VTI1A: variants seen among roughly 807,000 people sequenced by gnomAD.
VTI1A encodes vesicle transport through interaction with t-SNAREs homolog 1A.
In VTI1A, 22 loss-of-function variants were observed where a neutral mutation model predicts 34.9. That is an observed-to-expected ratio of 0.63 (90% CI 0.45 to 0.90). VTI1A has a LOEUF of 0.90. Ranked by LOEUF, VTI1A falls within the 40% of genes least tolerant of loss-of-function variation. The pLI is 0.00. For synonymous variants in VTI1A, 87 were observed against 97.3 expected (o/e 0.89, Z 0.62); for missense variants, 268 against 275.6 (o/e 0.97, Z 0.20).
At chr10:112,785,325 C>T (rs1488786090) in intron 7 of VTI1A, among the ~76,000 whole-genome samples, 1 of 152,202 alleles carries the variant, frequency 6.6e-6, no homozygotes, top group South Asian at 2.1e-4. Context: ...AGAGAAGCCC[C>T]TCCCCAACAA....
intron 3 of VTI1A, among the ~76,000 whole-genome samples, chr10:112,486,768 CA>C (rs1848652076): frequency 1.6e-5 from 2 of 128,868 alleles, no homozygotes; most frequent in African/African-American, 6.2e-5. Flanking sequence ...CCTACAATAA[CA>C]CACTCAAAGA....
At chr10:112,485,304 A>G (rs1479484003) in intron 3 of VTI1A, 1 of 152,142 alleles carries the variant, frequency 6.6e-6, no homozygotes, top group East Asian at 1.9e-4. Flanking sequence ...AAAAAAGAAA[A>G]AAGAAAAGAA....
intron 7 of VTI1A, among the ~76,000 whole-genome samples, chr10:112,809,684 G>A (rs868562805): frequency 5.3e-5 from 8 of 152,216 alleles, no homozygotes; most frequent in African/African-American, 1.9e-4. Flanking sequence ...CAATAACCAC[G>A]TGACCCTGAG....
chr10:112,642,977 C>CTTTTTTTTTTTTTTTTTTTTTTT (rs58619611), intron 5 of VTI1A, among the ~76,000 whole-genome samples: 9 of 121,012 alleles, frequency 7.4e-5, no homozygotes, highest in East Asian at 2.4e-4. Context: ...TTTTTCTTTT[C>CTTTTTTTTTTTTTTTTTTTTTTT]TTTTTTTTTT....
chr10:112,748,896 T>C (rs1851005382), intron 7 of VTI1A, among the ~76,000 whole-genome samples: 1 of 152,156 alleles, frequency 6.6e-6, no homozygotes, highest in Non-Finnish European at 1.5e-5. Context: ...CCCAAAGTGC[T>C]GGGATTACAG....
At chr10:112,569,093 T>G (rs1852017042) in intron 5 of VTI1A, among the ~76,000 whole-genome samples, 1 of 151,562 alleles carries the variant, frequency 6.6e-6, no homozygotes, top group African/African-American at 2.4e-5. Context: ...AGGCGGAGGT[T>G]GCAGTGGGCT....
chr10:112,792,178 G>C (rs149400527), intron 7 of VTI1A, among the ~76,000 whole-genome samples: 39 of 152,266 alleles, frequency 2.6e-4, no homozygotes, highest in African/African-American at 9.1e-4. Flanking sequence ...AGGAGGCTGA[G>C]GCAGGAGAAT....
intron 5 of VTI1A, among the ~76,000 whole-genome samples, chr10:112,613,736 G>T (rs569932921): frequency 6.6e-6 from 1 of 152,332 alleles, no homozygotes; most frequent in South Asian, 2.1e-4. Context: ...CCCTTCATTA[G>T]CCCTCATGCT....
At chr10:112,492,837 T>C (rs1006093747) in intron 3 of VTI1A, among the ~76,000 whole-genome samples, 4 of 152,036 alleles carry the variant, frequency 2.6e-5, no homozygotes, top group Admixed American at 2.6e-4. Context: ...ACATTTTCCA[T>C]TATAAATATA....
chr10:112,729,246 C>CT (rs142145553), intron 7 of VTI1A, among the ~76,000 whole-genome samples: 15,449 of 152,176 alleles, frequency 0.1, 936 homozygotes, highest in Middle Eastern at 0.15. Context: ...CTTGGATTAA[C>CT]TTTTCTAACA....
intron 5 of VTI1A, among the ~76,000 whole-genome samples, chr10:112,643,469 G>T (rs1486212228): frequency 2.0e-5 from 3 of 152,028 alleles, no homozygotes; most frequent in Non-Finnish European, 4.4e-5. Flanking sequence ...CATAAAGCAA[G>T]GTGATTATTA....
intron 7 of VTI1A, among the ~76,000 whole-genome samples, chr10:112,784,761 C>A (rs1852233572): frequency 6.6e-6 from 1 of 152,148 alleles, no homozygotes; most frequent in South Asian, 2.1e-4. Context: ...TAGATACTTC[C>A]CCTGTTTTAA....
chr10:112,845,226 A>G, the VTI1A span, among the ~76,000 whole-genome samples: 5,477 of 152,256 alleles, frequency 0.036, 183 homozygotes, highest in African/African-American at 0.091. Flanking sequence ...TGGACGTGGC[A>G]GAAACCCGCA....
chr10:112,774,772 A>G (rs1417943341), intron 7 of VTI1A, among the ~76,000 whole-genome samples: 2 of 152,206 alleles, frequency 1.3e-5, no homozygotes, highest in Non-Finnish European at 2.9e-5. Flanking sequence ...GCAATAAATT[A>G]TTGGGACAAC....
At chr10:112,483,042 A>C (rs571081969) in intron 3 of VTI1A, among the ~76,000 whole-genome samples, 2 of 152,268 alleles carry the variant, frequency 1.3e-5, no homozygotes, top group Admixed American at 1.3e-4. Flanking sequence ...AAAGCCTAAG[A>C]GATGGGGAGG....
the VTI1A span, among the ~76,000 whole-genome samples, chr10:112,841,378 A>C: frequency 6.6e-6 from 1 of 152,226 alleles, no homozygotes; most frequent in East Asian, 1.9e-4. Context: ...ATTGCTGTTC[A>C]TCCATACTTA....
At chr10:112,485,859 T>G (rs1383669772) in intron 3 of VTI1A, among the ~76,000 whole-genome samples, 1 of 152,248 alleles carries the variant, frequency 6.6e-6, no homozygotes, top group Middle Eastern at 3.2e-3. Flanking sequence ...GCTGTTGGAA[T>G]AAGATTTGTA....
chr10:112,622,667 C>G (rs887396727), intron 5 of VTI1A, among the ~76,000 whole-genome samples: 6 of 152,144 alleles, frequency 3.9e-5, no homozygotes, highest in Non-Finnish European at 7.3e-5. Flanking sequence ...TTCATATAAT[C>G]TCCTTTATTC....
chr10:112,580,996 C>A (rs17129867), intron 5 of VTI1A, among the ~76,000 whole-genome samples: 6,704 of 152,224 alleles, frequency 0.044, 292 homozygotes, highest in African/African-American at 0.11. Context: ...CATTTATACA[C>A]CATATGATCA....
Sources: allele counts gnomAD v4.1 joint callset (sites outside exome capture counted in the v4.1 genomes callset), GRCh38; gene constraint gnomAD v4.1.1; transcripts MANE v1.5; gene names NCBI Gene and HGNC (gene_info 2026-07-23, HGNC 2026-07-21).